The following EYS variants were observed in gnomAD, a reference collection of about 807,000 sequenced individuals.
EYS encodes the protein protein eyes shut homolog.
In EYS, 250 loss-of-function variants were observed where a neutral mutation model predicts 282.1. The observed-to-expected ratio is 0.89, with a 90% CI of 0.80 to 0.98. The LOEUF is 0.98. EYS is among the 50% of genes least tolerant of loss of function. The probability of loss-of-function intolerance (pLI) is 0.00; values close to 1 mark genes in which losing one functional copy is unlikely to be tolerated. For synonymous variants in EYS, 1,355 were observed against 1,282.9 expected (o/e 1.06, Z -1.20); for missense variants, 4,016 against 3,709.0 (o/e 1.08, Z -2.15).
Position 64,876,446 on chromosome 6 carries a change from A to C in EYS, c.2992+10251T>G, listed in dbSNP as rs76372801. 7.0e-3 allele frequency among the ~76,000 whole-genome samples: 1,066 copies of C among 152,272 alleles called. 18 individuals carry two copies. Among genetic ancestry groups the C allele is most frequent in the Admixed American group, 0.036 (543 of 15,274 alleles). ...TAAATTGTATACAATTAAAAAATTA[A>C]CTTACTTGAAGTGAAATATGATTTT... On this transcript the variant is annotated intron_variant, in intron 19 of 42. Transcript: ENST00000503581.
intron 29 of EYS, among the ~76,000 whole-genome samples, chr6:64,325,750 T>A (rs542607173): frequency 4.6e-5 from 7 of 152,208 alleles, no homozygotes; most frequent in African/African-American, 1.7e-4. Flanking sequence ...CTGGACACAC[T>A]TACAAAAATG....
At chr6:65,301,768 G>A (rs1768838345) in intron 11 of EYS, among the ~76,000 whole-genome samples, 1 of 152,190 alleles carries the variant, frequency 6.6e-6, no homozygotes, top group African/African-American at 2.4e-5. Flanking sequence ...CCGTAATGAC[G>A]AACACCCCTA....
chr6:64,925,893 C>T (rs906056503), intron 15 of EYS, among the ~76,000 whole-genome samples: 8 of 152,064 alleles, frequency 5.3e-5, no homozygotes, highest in African/African-American at 1.4e-4. Flanking sequence ...CAGTAGGGTT[C>T]GGAGTCAGTT....
chr6:65,263,396 T>C (rs1008546999), intron 12 of EYS, among the ~76,000 whole-genome samples: 3 of 152,028 alleles, frequency 2.0e-5, no homozygotes, highest in African/African-American at 7.2e-5. Flanking sequence ...GTGTTGATCA[T>C]ATAAGTGTAA....
chr6:65,482,945 A>G (rs1031547124), intron 5 of EYS, among the ~76,000 whole-genome samples: 10 of 152,206 alleles, frequency 6.6e-5, no homozygotes, highest in African/African-American at 2.4e-4. Flanking sequence ...TGTGTCATTA[A>G]CTAATAATGT....
chr6:65,347,688 T>C (rs1209248143), intron 9 of EYS, among the ~76,000 whole-genome samples: 1 of 151,586 alleles, frequency 6.6e-6, no homozygotes, highest in African/African-American at 2.4e-5. Context: ...AAATAGTGTA[T>C]CCATCACTTC....
intron 29 of EYS, among the ~76,000 whole-genome samples, chr6:64,369,469 A>T (rs1458477902): frequency 1.3e-5 from 2 of 152,042 alleles, no homozygotes; most frequent in East Asian, 3.9e-4. Context: ...GTTGAATGGG[A>T]ATAGCATTTA....
chr6:64,029,651 T>G (rs943401320), intron 33 of EYS, among the ~76,000 whole-genome samples: 1 of 152,214 alleles, frequency 6.6e-6, no homozygotes, highest in Non-Finnish European at 1.5e-5. Flanking sequence ...TAACTAATCT[T>G]GACTTTAACC....
rs897799425 is a variant in EYS at position 65,518,062 on chromosome 6, C to A, written c.-332-22069G>T. ...TATATACATTATCTAAATCTCACAA[C>A]AGCTTTAAGAGGTAACATTATTACC... is the stretch of plus-strand genomic sequence containing the variant. On this transcript the variant is annotated intron_variant, in intron 2 of 42. Coordinates refer to ENST00000503581, the MANE Select transcript of EYS (RefSeq NM_001142800.2). 5.3e-4 allele frequency among the ~76,000 whole-genome samples: 81 copies of A among 152,026 alleles called. 1 individual carries two copies. Among genetic ancestry groups the A allele is most frequent in the Admixed American group, 3.9e-4 (6 of 15,254 alleles).
intron 2 of EYS, among the ~76,000 whole-genome samples, chr6:65,547,425 T>C (rs1562252553): frequency 1.3e-5 from 2 of 152,020 alleles, no homozygotes; most frequent in Admixed American, 1.3e-4. Flanking sequence ...TAAATTTTAA[T>C]AATATTACAG....
chr6:64,764,306 A>G (rs191410851), intron 22 of EYS, among the ~76,000 whole-genome samples: 4 of 152,348 alleles, frequency 2.6e-5, no homozygotes, highest in Admixed American at 2.0e-4. Flanking sequence ...CAAAACCTCA[A>G]TTCTTAGCTT....
intron 34 of EYS, among the ~76,000 whole-genome samples, chr6:63,985,092 T>A (rs984254807): frequency 6.6e-6 from 1 of 151,748 alleles, no homozygotes; most frequent in Middle Eastern, 3.4e-3. Flanking sequence ...TAAGATGAGG[T>A]CAATACTGGA....
intron 19 of EYS, among the ~76,000 whole-genome samples, chr6:64,871,795 G>A (rs1766604588): frequency 6.6e-6 from 1 of 151,944 alleles, no homozygotes; most frequent in African/African-American, 2.4e-5. Context: ...GAGTATTTTT[G>A]TAAATAGTAA....
At chr6:64,085,520 CA>C (rs1210608868) in intron 31 of EYS, among the ~76,000 whole-genome samples, 1 of 152,122 alleles carries the variant, frequency 6.6e-6, no homozygotes, top group East Asian at 1.9e-4. Context: ...TAGCCTTCTT[CA>C]AAAACATTTT....
At chr6:65,446,299 A>G (rs1768654234) in intron 5 of EYS, among the ~76,000 whole-genome samples, 1 of 151,878 alleles carries the variant, frequency 6.6e-6, no homozygotes, top group African/African-American at 2.4e-5. Flanking sequence ...ATCACCTTCA[A>G]TAATTATAGC....
chr6:64,723,283 A>C (rs970953076), intron 22 of EYS, among the ~76,000 whole-genome samples: 1 of 152,176 alleles, frequency 6.6e-6, no homozygotes, highest in African/African-American at 2.4e-5. Context: ...AACGAGACAA[A>C]TACCTAAATG....
At chr6:64,904,704 A>C (rs1185494073) in intron 16 of EYS, among the ~76,000 whole-genome samples, 2 of 152,184 alleles carry the variant, frequency 1.3e-5, no homozygotes, top group African/African-American at 4.8e-5. Flanking sequence ...ACTCAGGGGC[A>C]CTGACTGGCT....
intron 7 of EYS, among the ~76,000 whole-genome samples, chr6:65,397,006 C>T (rs1038599599): frequency 5.3e-5 from 8 of 151,712 alleles, no homozygotes; most frequent in African/African-American, 1.7e-4. Flanking sequence ...TAATAATTGT[C>T]TGTATTTTTA....
At chr6:64,977,179 C>A (rs1228975987) in intron 14 of EYS, among the ~76,000 whole-genome samples, 1 of 151,980 alleles carries the variant, frequency 6.6e-6, no homozygotes, top group Non-Finnish European at 1.5e-5. Flanking sequence ...AGGAATGAAC[C>A]ACTGCACGTT....
Sources: gnomAD v4.1 joint callset for allele counts (sites outside exome capture counted in the v4.1 genomes callset) on GRCh38, gnomAD v4.1.1 for gene constraint, MANE v1.5 for transcripts, NCBI Gene and HGNC (gene_info 2026-07-23, HGNC 2026-07-21) for gene names.